Variants in RUNX1 observed in about 807,000 individuals in gnomAD.
RUNX1 encodes RUNX family transcription factor 1, also known as runt-related transcription factor 1.
A neutral mutation model predicts 42.8 loss-of-function variants in RUNX1; 19 were observed. That is an observed-to-expected ratio of 0.44 (90% CI 0.31 to 0.65). RUNX1 has a LOEUF of 0.65. RUNX1 is among the 30% of genes least tolerant of loss of function. The pLI is 0.07. For synonymous variants in RUNX1, 271 were observed against 289.4 expected (o/e 0.94, Z 0.64); for missense variants, 528 against 672.0 (o/e 0.79, Z 2.37).
At chr21:34,966,576 A>G (rs187124020) in intron 2 of RUNX1, among the ~76,000 whole-genome samples, 2 of 152,252 alleles carry the variant, frequency 1.3e-5, no homozygotes, top group East Asian at 1.9e-4. Context: ...GTACAACACC[A>G]TAAGTATCTC....
intron 2 of RUNX1, among the ~76,000 whole-genome samples, chr21:34,993,237 G>T (rs572100052): frequency 6.6e-6 from 1 of 152,306 alleles, no homozygotes; most frequent in South Asian, 2.1e-4. Flanking sequence ...CCTTAGCGAT[G>T]TCACTCCTGG....
At chr21:34,844,536 G>A (rs1041771605) in intron 6 of RUNX1, among the ~76,000 whole-genome samples, 1 of 152,178 alleles carries the variant, frequency 6.6e-6, no homozygotes, top group Non-Finnish European at 1.5e-5. Context: ...TAAAGGCAGG[G>A]CCCTTCCAAG....
chr21:34,918,114 TGA>T (rs1345532858), intron 2 of RUNX1, among the ~76,000 whole-genome samples: 2 of 118,674 alleles, frequency 1.7e-5, no homozygotes, highest in African/African-American at 6.9e-5. Flanking sequence ...GGTGACAGGG[TGA>T]GACTCTGTCT....
At chr21:35,040,021 G>A (rs1156971744) in intron 2 of RUNX1, among the ~76,000 whole-genome samples, 3 of 152,214 alleles carry the variant, frequency 2.0e-5, no homozygotes, top group Non-Finnish European at 2.9e-5. Flanking sequence ...GAACACTCCT[G>A]AAGGGGAGGA....
At chr21:34,927,030 G>A (rs184034974) in intron 2 of RUNX1, among the ~76,000 whole-genome samples, 94 of 152,260 alleles carry the variant, frequency 6.2e-4, no homozygotes, top group African/African-American at 2.2e-3. Flanking sequence ...GGAATGAGTC[G>A]TTTAGTGCTG....
At chr21:35,012,668 C>T (rs1454425700) in intron 2 of RUNX1, among the ~76,000 whole-genome samples, 1 of 152,100 alleles carries the variant, frequency 6.6e-6, no homozygotes, top group African/African-American at 2.4e-5. Flanking sequence ...GGACATATGA[C>T]AAAATCTCTG....
At chr21:34,932,453 C>T (rs1321809822) in intron 2 of RUNX1, among the ~76,000 whole-genome samples, 1 of 152,108 alleles carries the variant, frequency 6.6e-6, no homozygotes, top group Non-Finnish European at 1.5e-5. Flanking sequence ...GTGGGTTCTC[C>T]CCTCTAAACG....
chr21:34,883,466 G>A (rs553319984), intron 4 of RUNX1, among the ~76,000 whole-genome samples: 9 of 152,182 alleles, frequency 5.9e-5, no homozygotes, highest in Non-Finnish European at 1.0e-4. Context: ...ACTAACATGC[G>A]TGCTAATTTG....
At chr21:34,837,990 T>G (rs1365064537) in intron 6 of RUNX1, among the ~76,000 whole-genome samples, 3 of 152,184 alleles carry the variant, frequency 2.0e-5, no homozygotes, top group Non-Finnish European at 4.4e-5. Context: ...GGGAAAAAAT[T>G]GTATATAATA....
intron 2 of RUNX1, among the ~76,000 whole-genome samples, chr21:34,943,327 C>T (rs1257888298): frequency 2.3e-5 from 3 of 131,674 alleles, no homozygotes; most frequent in Non-Finnish European, 4.8e-5. Flanking sequence ...GCTGTCTTTA[C>T]CAGATGTACC....
intron 8 of RUNX1, among the ~76,000 whole-genome samples, chr21:34,793,223 C>G (rs533778521): frequency 1.3e-5 from 2 of 151,802 alleles, no homozygotes; most frequent in South Asian, 4.2e-4. Flanking sequence ...CCCAGGAGGA[C>G]GGGGATCAGG....
At chr21:35,011,006 G>C (rs150085961) in intron 2 of RUNX1, among the ~76,000 whole-genome samples, 1 of 152,286 alleles carries the variant, frequency 6.6e-6, no homozygotes, top group South Asian at 2.1e-4. Flanking sequence ...ACTATATTTT[G>C]TAAGTGAAGA....
intron 7 of RUNX1, among the ~76,000 whole-genome samples, chr21:34,824,516 G>T (rs1312011652): frequency 2.0e-5 from 3 of 152,190 alleles, no homozygotes; most frequent in East Asian, 3.8e-4. Context: ...TTATTTACAG[G>T]AGTTTTGCAA....
In RUNX1 at chr21:34,859,582, T is replaced by A; in HGVS notation, c.509-4A>T. 1 of 1,610,280 alleles carries A rather than the reference T, an allele frequency of 6.2e-7. No homozygotes were observed. Among genetic ancestry groups the A allele is most frequent in the South Asian group, 1.1e-5 (1 of 91,008 alleles). On this transcript the variant is annotated splice_region_variant and splice_polypyrimidine_tract_variant and intron_variant, in intron 5 of 8. Transcript: ENST00000675419. The stretch of plus-strand genomic sequence containing the variant: ...ATGGTCAGAGTGAAGCTTTTCCCTG[T>A]GGGGACACGATAGAGAACAAAACAG...
chr21:35,017,800 C>T (rs985208898), intron 2 of RUNX1, among the ~76,000 whole-genome samples: 3 of 152,114 alleles, frequency 2.0e-5, no homozygotes, highest in African/African-American at 7.2e-5. Flanking sequence ...GCAGGGCATT[C>T]ACCCGGGTGC....
chr21:34,869,406 A>C (rs1397604460), intron 5 of RUNX1, among the ~76,000 whole-genome samples: 1 of 152,160 alleles, frequency 6.6e-6, no homozygotes. Context: ...CTCATATTAC[A>C]TTATGCTACT....
chr21:34,891,600 A>C lies in RUNX1; in HGVS notation c.97+1325T>G, dbSNP rs1211244111. On this transcript the variant is annotated intron_variant, in intron 3 of 8. Transcript: ENST00000675419. The stretch of plus-strand genomic sequence containing the variant: ...GCGCTCATTTTAGCGACAATACAGA[A>C]TTCCCCTTCCTTTGCCTAAGGGAGA... 2.0e-5 allele frequency among the ~76,000 whole-genome samples: 3 copies of C among 152,204 alleles called. No individual in the cohort carries two copies. In the East Asian group the frequency reaches 5.8e-4, roughly 29 times the overall value.
intron 2 of RUNX1, chr21:35,038,834 G>T: frequency 2.3e-6 from 1 of 441,714 alleles, no homozygotes. Flanking sequence ...CTTGGCCGAG[G>T]CCATCTCTGA....
chr21:34,818,202 C>T (rs1374675708), intron 7 of RUNX1, among the ~76,000 whole-genome samples: 1 of 152,232 alleles, frequency 6.6e-6, no homozygotes, highest in Non-Finnish European at 1.5e-5. Flanking sequence ...CCCACTCCTC[C>T]CCTGGGCTGC....
Sources: gnomAD v4.1 joint callset for allele counts (sites outside exome capture counted in the v4.1 genomes callset) on GRCh38, gnomAD v4.1.1 for gene constraint, MANE v1.5 for transcripts, NCBI Gene and HGNC (gene_info 2026-07-23, HGNC 2026-07-21) for gene names.